RNF150: variants seen among roughly 807,000 people sequenced by gnomAD.
The protein encoded by RNF150 is ring finger protein 150.
RNF150 carries 24 observed loss-of-function variants against 39.3 expected under a neutral mutation model. The ratio of observed to expected loss-of-function variants is 0.61; its 90% CI spans 0.44 to 0.86. The LOEUF (loss-of-function observed/expected upper bound fraction) is 0.86. Among genes scored for constraint, RNF150 ranks in the 40% least tolerant of loss-of-function variants. RNF150 has a pLI of 0.00. For synonymous variants in RNF150, 255 were observed against 227.3 expected (o/e 1.12, Z -1.10); for missense variants, 502 against 587.8 (o/e 0.85, Z 1.51).
At chr4:141,111,614 CA>C (rs1739386024) in intron 1 of RNF150, among the ~76,000 whole-genome samples, 1 of 151,962 alleles carries the variant, frequency 6.6e-6, no homozygotes, top group African/African-American at 2.4e-5. Flanking sequence ...AAAATCGCAA[CA>C]AAAGGGAACA....
intron 1 of RNF150, among the ~76,000 whole-genome samples, chr4:141,023,302 G>A (rs538089070): frequency 2.2e-4 from 33 of 152,222 alleles, no homozygotes; most frequent in African/African-American, 7.5e-4. Context: ...CTGAAGTGCA[G>A]TTGTGTGATT....
At chr4:141,161,206 A>G (rs1727506418) in intron 1 of RNF150, among the ~76,000 whole-genome samples, 1 of 152,196 alleles carries the variant, frequency 6.6e-6, no homozygotes, top group East Asian at 1.9e-4. Flanking sequence ...AACTCAAGTA[A>G]AGATCACTTT....
intron 1 of RNF150, among the ~76,000 whole-genome samples, chr4:141,093,386 GA>G (rs1388419264): frequency 8.2e-5 from 12 of 146,968 alleles, no homozygotes; most frequent in Admixed American, 2.7e-4. Context: ...AAAGGGGGGG[GA>G]AAGGGAACTG....
chr4:141,179,293 T>C (rs187149897), intron 1 of RNF150, among the ~76,000 whole-genome samples: 139 of 152,350 alleles, frequency 9.1e-4, no homozygotes, highest in African/African-American at 3.2e-3. Flanking sequence ...CTGACTTCAT[T>C]TCTAATCAAC....
At chr4:140,881,981 C>T (rs998034972) in intron 6 of RNF150, among the ~76,000 whole-genome samples, 5 of 151,976 alleles carry the variant, frequency 3.3e-5, no homozygotes, top group South Asian at 4.2e-4. Flanking sequence ...AAAGATATTT[C>T]GTATGATTTC....
intron 4 of RNF150, among the ~76,000 whole-genome samples, chr4:140,938,887 C>A (rs1012131121): frequency 2.6e-5 from 4 of 152,160 alleles, no homozygotes; most frequent in Non-Finnish European, 4.4e-5. Flanking sequence ...TAAAAATATA[C>A]ATCAGTCACA....
In RNF150 at chr4:141,008,254, T is replaced by C. The variant is rs147004580; in HGVS notation, c.485-40381A>G. ...TTTTTATCATTTTTCATATAGGGCC[T>C]AAGTCATTTGTTAATTTTATATTGG... On this transcript the variant is annotated intron_variant, in intron 1 of 6. Coordinates refer to ENST00000515673, the MANE Select transcript of RNF150 (RefSeq NM_020724.2). 4.3e-4 allele frequency among the ~76,000 whole-genome samples: 66 copies of C among 152,356 alleles called. 1 individual carries two copies. The highest frequency in any genetic ancestry group is 4.1e-4 in the South Asian group (2 of 4,834).
intron 1 of RNF150, among the ~76,000 whole-genome samples, chr4:141,138,613 G>T (rs1174189508): frequency 6.6e-6 from 1 of 152,114 alleles, no homozygotes; most frequent in Non-Finnish European, 1.5e-5. Flanking sequence ...AGTCTTCCAT[G>T]TTTGTTTGGA....
At chr4:140,884,536 A>G (rs1441108468) in intron 6 of RNF150, among the ~76,000 whole-genome samples, 2 of 152,126 alleles carry the variant, frequency 1.3e-5, no homozygotes, top group Non-Finnish European at 2.9e-5. Context: ...ATGTAATCTA[A>G]TTGCAGAGGT....
chr4:141,151,869 C>G (rs1358836173), intron 1 of RNF150, among the ~76,000 whole-genome samples: 1 of 152,058 alleles, frequency 6.6e-6, no homozygotes, highest in Admixed American at 6.6e-5. Flanking sequence ...CTTTAGTAAA[C>G]CAGCTTCAAA....
chr4:140,929,358 GTTTTTTTT>G (rs532514901), intron 4 of RNF150, among the ~76,000 whole-genome samples: 16 of 51,598 alleles, frequency 3.1e-4, no homozygotes, highest in African/African-American at 1.3e-3. Context: ...TGGATGCTAA[GTTTTTTTT>G]TTTTTTTTTT....
chr4:141,138,981 G>A (rs1436441030), intron 1 of RNF150, among the ~76,000 whole-genome samples: 1 of 152,166 alleles, frequency 6.6e-6, no homozygotes, highest in Non-Finnish European at 1.5e-5. Context: ...GAAGCGGGAG[G>A]ATTGCTTGAG....
chr4:140,971,606 T>C (rs1366129812), intron 1 of RNF150, among the ~76,000 whole-genome samples: 1 of 152,168 alleles, frequency 6.6e-6, no homozygotes, highest in Non-Finnish European at 1.5e-5. Context: ...AGAAAATGTG[T>C]GACCAGGACA....
In RNF150 at chr4:141,060,687, C is replaced by T. The variant is rs566262405; in HGVS notation, c.484+71638G>A. ...AAACCCCTACTATAAAGACACATGC[C>T]CATGCATGTTTATTGCAGCACTATC... On this transcript the variant is annotated intron_variant, in intron 1 of 6. Coordinates refer to ENST00000515673, the MANE Select transcript of RNF150 (RefSeq NM_020724.2). Among the ~76,000 whole-genome samples the T allele has an allele frequency of 5.9e-5, 9 of 152,120 alleles. No homozygotes were observed. The South Asian group carries it at 1.9e-3, about 32-fold the overall frequency.
chr4:140,911,138 A>T lies in RNF150; in HGVS notation c.1198+6T>A. 6.2e-7 allele frequency: 1 copy of T among 1,609,692 alleles called. No individual in the cohort carries two copies. Among genetic ancestry groups the T allele is most frequent in the Non-Finnish European group, 8.5e-7 (1 of 1,176,034 alleles). ...GCTATGTCACTTTAAGTATGGCAGA[A>T]CTCACTGTTAGTAGTAAAGATGACG... is the stretch of plus-strand genomic sequence containing the variant. On this transcript the variant is annotated splice_donor_region_variant and intron_variant, in intron 6 of 6. Transcript: ENST00000515673.
At chr4:140,999,439 G>A (rs1314922284) in intron 1 of RNF150, among the ~76,000 whole-genome samples, 1 of 152,212 alleles carries the variant, frequency 6.6e-6, no homozygotes, top group Non-Finnish European at 1.5e-5. Context: ...AAGGTTTGAA[G>A]TCTTATCATC....
chr4:140,975,690 G>A (rs1185092395), intron 1 of RNF150, among the ~76,000 whole-genome samples: 1 of 151,982 alleles, frequency 6.6e-6, no homozygotes, highest in Non-Finnish European at 1.5e-5. Flanking sequence ...CTATTTTCTG[G>A]GGAAAACCAA....
rs114705272 is a variant in RNF150 at position 141,181,714 on chromosome 4, T to C, written c.-6+31080A>G. Among the ~76,000 whole-genome samples, 1,058 of 152,356 alleles carry C rather than the reference T, an allele frequency of 6.9e-3. 12 individuals are homozygous for C. Among genetic ancestry groups the C allele is most frequent in the African/African-American group, 0.024 (1,015 of 41,586 alleles). On this transcript the variant is annotated intron_variant, in intron 1 of 7. Coordinates refer to the RNF150 transcript ENST00000420921. ...CTGTGCTCAATTAAACAGAGTTTAG[T>C]GTTCAAATAAAATACACAGAAAAGT...
At chr4:141,146,055 A>G (rs1439828585) in intron 1 of RNF150, among the ~76,000 whole-genome samples, 2 of 152,246 alleles carry the variant, frequency 1.3e-5, no homozygotes, top group Non-Finnish European at 2.9e-5. Flanking sequence ...ACAAGGAAGA[A>G]TTTAACTTGA....
Sources: gnomAD v4.1 joint callset for allele counts (sites outside exome capture counted in the v4.1 genomes callset) on GRCh38, gnomAD v4.1.1 for gene constraint, MANE v1.5 for transcripts, NCBI Gene and HGNC (gene_info 2026-07-23, HGNC 2026-07-21) for gene names.